Variants in RUNX1T1 observed in about 807,000 individuals in gnomAD.
RUNX1T1 encodes protein CBFA2T1.
In RUNX1T1, 4 loss-of-function variants were observed where a neutral mutation model predicts 62.8. The ratio of observed to expected loss-of-function variants is 0.06; its 90% confidence interval spans 0.03 to 0.15. RUNX1T1 has a LOEUF of 0.15. Among genes scored for constraint, RUNX1T1 ranks in the 10% least tolerant of loss-of-function variants. RUNX1T1 has a pLI of 1.00. For synonymous variants in RUNX1T1, 291 were observed against 286.0 expected (o/e 1.02, Z -0.18); for missense variants, 508 against 754.3 (o/e 0.67, Z 3.82).
At chr8:91,958,604 TTTTA>T (rs1419073245), downstream of RUNX1T1, 2 of 182,380 alleles carry the variant, frequency 1.1e-5, no homozygotes, top group African/African-American at 4.7e-5. Context: ...TATCTTGTTA[TTTTA>T]TTTTTTTAAA....
intron 1 of RUNX1T1, among the ~76,000 whole-genome samples, chr8:92,077,458 C>T (rs1340216560): frequency 3.3e-5 from 5 of 151,902 alleles, no homozygotes; most frequent in Admixed American, 6.6e-5. Flanking sequence ...GTGCACACAG[C>T]GGGGAAGACT....
At chr8:92,023,628 A>G (rs1378958240) in intron 1 of RUNX1T1, among the ~76,000 whole-genome samples, 2 of 152,254 alleles carry the variant, frequency 1.3e-5, no homozygotes, top group African/African-American at 4.8e-5. Flanking sequence ...AACAATCACT[A>G]GGATTTTCTT....
At chr8:92,017,263 T>C in exon 2 of RUNX1T1, 2 of 1,614,000 alleles carry the variant, frequency 1.2e-6, no homozygotes, top group Non-Finnish European at 1.7e-6. Context: ...TTGGAGCTCC[T>C]TGAGTAGTTG....
At chr8:92,092,056 G>C (rs1445477032) in intron 1 of RUNX1T1, among the ~76,000 whole-genome samples, 1 of 152,136 alleles carries the variant, frequency 6.6e-6, no homozygotes, top group Non-Finnish European at 1.5e-5. Context: ...TCTCACCCCA[G>C]ACAAATTACT....
chr8:92,072,053 A>G (rs1487859703), intron 2 of RUNX1T1, among the ~76,000 whole-genome samples: 5 of 152,258 alleles, frequency 3.3e-5, no homozygotes, highest in Admixed American at 3.3e-4. Flanking sequence ...CAGAAACTTC[A>G]TAAAAATTCA....
At chr8:92,049,237 C>T (rs1308023336) in intron 1 of RUNX1T1, among the ~76,000 whole-genome samples, 1 of 152,118 alleles carries the variant, frequency 6.6e-6, no homozygotes, top group African/African-American at 2.4e-5. Flanking sequence ...CTATCTTTTT[C>T]GAATTACCCT....
chr8:92,008,642 T>C (rs1441806413), intron 4 of RUNX1T1, among the ~76,000 whole-genome samples: 1 of 152,162 alleles, frequency 6.6e-6, no homozygotes, highest in African/African-American at 2.4e-5. Flanking sequence ...CTGGACATCT[T>C]GTGTGCAGAT....
chr8:91,960,219 C>T (rs771269065), exon 11 of RUNX1T1: 2 of 1,599,166 alleles, frequency 1.3e-6, no homozygotes, highest in South Asian at 1.1e-5. Context: ...GTTGTCTTTC[C>T]TCCGACAGTT....
At chr8:92,037,766 G>A (rs1827694554) in intron 1 of RUNX1T1, among the ~76,000 whole-genome samples, 1 of 152,106 alleles carries the variant, frequency 6.6e-6, no homozygotes. Context: ...GAGCTTTCAG[G>A]AACCAAGGAA....
chr8:92,014,729 G>C, exon 3 of RUNX1T1: 1 of 1,614,152 alleles, frequency 6.2e-7, no homozygotes, highest in African/African-American at 1.3e-5. Context: ...CCAGAGAGGA[G>C]GAGGAAGAAG....
At chr8:92,004,443 T>G (rs1586938971) in intron 5 of RUNX1T1, 1 of 152,218 alleles carries the variant, frequency 6.6e-6, no homozygotes, top group East Asian at 1.9e-4. Flanking sequence ...TGTGTATGCT[T>G]TATTCAACAA....
intron 10 of RUNX1T1, among the ~76,000 whole-genome samples, chr8:91,961,864 A>G (rs1340208043): frequency 6.6e-6 from 1 of 152,236 alleles, no homozygotes; most frequent in Non-Finnish European, 1.5e-5. Flanking sequence ...TGGTAACCCC[A>G]AACAGCTGAC....
chr8:92,035,737 G>T (rs930222030), intron 1 of RUNX1T1, among the ~76,000 whole-genome samples: 1 of 151,724 alleles, frequency 6.6e-6, no homozygotes, highest in African/African-American at 2.4e-5. Context: ...CCTAAGGACA[G>T]AAAATCAAGA....
intron 1 of RUNX1T1, among the ~76,000 whole-genome samples, chr8:92,055,819 C>A (rs147506909): frequency 6.6e-6 from 1 of 152,120 alleles, no homozygotes; most frequent in Admixed American, 6.5e-5. Flanking sequence ...ATTTCCTCTA[C>A]GTATTTTGTC....
intron 1 of RUNX1T1, among the ~76,000 whole-genome samples, chr8:92,059,545 C>T (rs1235247621): frequency 3.9e-5 from 6 of 152,112 alleles, no homozygotes; most frequent in Admixed American, 3.9e-4. Context: ...TGTTTTACTA[C>T]CCAAAAATGT....
downstream of RUNX1T1, chr8:91,958,407 C>CTGAT (rs1809684079): frequency 1.0e-5 from 2 of 197,806 alleles, no homozygotes; most frequent in Non-Finnish European, 2.1e-5. Flanking sequence ...TTTGGTCCAT[C>CTGAT]AGATCAGTCT....
intron 1 of RUNX1T1, among the ~76,000 whole-genome samples, chr8:92,046,382 C>CA (rs2130269475): frequency 6.6e-6 from 1 of 152,146 alleles, no homozygotes; most frequent in African/African-American, 2.4e-5. Context: ...AAATTTAAGA[C>CA]AAAATCTCAC....
rs767484299 is a variant in RUNX1T1 at position 91,970,697 on chromosome 8, G to A, written c.1419C>T (p.Asp473=). ...CCTGCTGATTGATAACTGCCAGTGC[G>A]TCCTCCGCCGCCTGCCGTTTGGCCT... The change falls in exon 10 of 11, where the codon GAC becomes GAT. Residue 473 remains aspartate (D), a synonymous_variant. Transcript: ENST00000396218. 35 of 1,612,204 alleles carry A rather than the reference G, an allele frequency of 2.2e-5. No homozygotes were observed. The East Asian group carries it at 4.5e-4, about 21-fold the overall frequency.
intron 5 of RUNX1T1, among the ~76,000 whole-genome samples, chr8:91,998,105 A>G (rs1354505523): frequency 3.9e-5 from 6 of 152,078 alleles, no homozygotes; most frequent in South Asian, 2.1e-4. Context: ...CAAGGGGGGG[A>G]AAATCACTCT....
Sources: allele counts gnomAD v4.1 joint callset (sites outside exome capture counted in the v4.1 genomes callset), GRCh38; gene constraint gnomAD v4.1.1; transcripts MANE v1.5; gene names NCBI Gene and HGNC (gene_info 2026-07-23, HGNC 2026-07-21).